Variants in BTBD7 observed in about 807,000 individuals in gnomAD.
BTBD7 encodes the protein BTB domain containing 7.
A neutral mutation model predicts 99.9 loss-of-function variants in BTBD7; 38 were observed. That is an observed-to-expected ratio of 0.38 (90% CI 0.29 to 0.50). The LOEUF is 0.50. Among genes scored for constraint, BTBD7 ranks in the 20% least tolerant of loss-of-function variants. The pLI, the probability that BTBD7 is intolerant of heterozygous loss-of-function variation, is 0.93. For synonymous variants in BTBD7, 520 were observed against 511.4 expected (o/e 1.02, Z -0.23); for missense variants, 1,170 against 1,394.6 (o/e 0.84, Z 2.57).
At chr14:93,256,193 T>G (rs1294217067) in intron 6 of BTBD7, 3 of 152,204 alleles carry the variant, frequency 2.0e-5, no homozygotes, top group African/African-American at 7.2e-5. Flanking sequence ...AAATTTCTTC[T>G]TCTGCTAATC....
chr14:93,317,338 C>A (rs1430656354), intron 1 of BTBD7, among the ~76,000 whole-genome samples: 3 of 151,448 alleles, frequency 2.0e-5, no homozygotes, highest in Non-Finnish European at 4.4e-5. Context: ...TAGTAGTCAA[C>A]CTTTGCACTG....
At chr14:93,329,070 C>T (rs1234538736) in intron 1 of BTBD7, among the ~76,000 whole-genome samples, 1 of 152,084 alleles carries the variant, frequency 6.6e-6, no homozygotes, top group Non-Finnish European at 1.5e-5. Flanking sequence ...CATCAAAGGA[C>T]GCTATCAACA....
chr14:93,326,802 T>TA (rs71462002), intron 1 of BTBD7, among the ~76,000 whole-genome samples: 77 of 146,172 alleles, frequency 5.3e-4, no homozygotes, highest in South Asian at 8.7e-4. Flanking sequence ...AAACTCTGTC[T>TA]AAAAAAAAAA....
intron 1 of BTBD7, among the ~76,000 whole-genome samples, chr14:93,311,745 A>ATTTT (rs5810628): frequency 7.0e-6 from 1 of 142,562 alleles, no homozygotes; most frequent in Non-Finnish European, 1.5e-5. Context: ...AATATTTTTA[A>ATTTT]TTTTTTTTTT....
chr14:93,304,497 G>A (rs7142382), intron 1 of BTBD7, among the ~76,000 whole-genome samples: 6,326 of 152,138 alleles, frequency 0.042, 444 homozygotes, highest in African/African-American at 0.14. Flanking sequence ...GATTACAGGC[G>A]TGCATCCCTA....
At chr14:93,267,911 T>C (rs1015215268) in intron 3 of BTBD7, among the ~76,000 whole-genome samples, 2 of 152,248 alleles carry the variant, frequency 1.3e-5, no homozygotes, top group Non-Finnish European at 2.9e-5. Context: ...CTGCTCTCTG[T>C]ACTGTTGCCA....
At position 93,294,585 on chromosome 14, in the gene BTBD7, G is replaced by A; in HGVS notation, c.435C>T (p.Asp145=). The A allele has an allele frequency of 6.2e-7, 1 of 1,613,946 alleles. No individual in the cohort carries two copies. The highest frequency in any genetic ancestry group is 8.5e-7 in the Non-Finnish European group (1 of 1,180,016). Residue 145 remains aspartate, a synonymous_variant, in exon 3 of 11, where the codon GAC becomes GAT. Transcript: ENST00000334746. ...GAAAACAAGTTTCTTGAAATATTAA[G>A]TCTACATCAGTACAATACTTGTACT... ...LYEYKYCTDV[D]LIFQETCFPV...
intron 3 of BTBD7, among the ~76,000 whole-genome samples, chr14:93,289,851 CTT>C (rs34820136): frequency 0.068 from 6,698 of 97,974 alleles, 216 homozygotes; most frequent in African/African-American, 0.19. Context: ...ACTCTCTGGG[CTT>C]TTTTTTTTTT....
intron 1 of BTBD7, among the ~76,000 whole-genome samples, chr14:93,328,079 G>A (rs1280904713): frequency 6.6e-6 from 1 of 152,042 alleles, no homozygotes; most frequent in Non-Finnish European, 1.5e-5. Context: ...GGAGACAAAA[G>A]ACTTTTACAC....
At chr14:93,325,486 A>G (rs559441089) in intron 1 of BTBD7, among the ~76,000 whole-genome samples, 3 of 152,322 alleles carry the variant, frequency 2.0e-5, no homozygotes, top group African/African-American at 7.2e-5. Flanking sequence ...ATGGAGAGGT[A>G]CAGTGGGAGA....
intron 3 of BTBD7, among the ~76,000 whole-genome samples, chr14:93,269,788 G>T (rs1168712349): frequency 1.3e-5 from 2 of 152,108 alleles, no homozygotes; most frequent in Non-Finnish European, 2.9e-5. Context: ...TCTGTCTAGA[G>T]TCCCTTTCCT....
chr14:93,332,809 G>A lies in BTBD7; in HGVS notation c.-107+11C>T, dbSNP rs575873770. 3 of 1,476,770 alleles carry A rather than the reference G, an allele frequency of 2.0e-6. No homozygotes were observed. The highest frequency in any genetic ancestry group is 2.7e-6 in the Non-Finnish European group (3 of 1,120,228). The allele number at this position is 1,476,770 out of a possible 1,614,324, so 91.5% of individuals were successfully genotyped here. ...GGCTCCACAGCCTCAGAGACACCAA[G>A]GGACACTCACCCCGGAGGCTCCTCC... On this transcript the variant is annotated intron_variant, in intron 1 of 10. Transcript: ENST00000334746.
intron 1 of BTBD7, among the ~76,000 whole-genome samples, chr14:93,296,888 A>T (rs1200163434): frequency 6.6e-6 from 1 of 152,260 alleles, no homozygotes; most frequent in East Asian, 1.9e-4. Flanking sequence ...TCTAACAATT[A>T]CAGATTAAAT....
rs549348697 is a variant in BTBD7, at chr14:93,292,142, G to A, written c.1162+1716C>T. 1.2e-3 allele frequency among the ~76,000 whole-genome samples: 185 copies of A among 152,222 alleles called. 2 individuals are homozygous for A. The highest frequency in any genetic ancestry group is 4.3e-3 in the African/African-American group (177 of 41,530). On this transcript the variant is annotated intron_variant, in intron 3 of 10. Transcript: ENST00000334746. The stretch of plus-strand genomic sequence containing the variant: ...GCGGAGGTTGCAGTGAGCCGAAATT[G>A]CGCCATTGCACTCCAGCCTGGGTGA...
At chr14:93,321,908 G>A (rs887127430) in intron 1 of BTBD7, among the ~76,000 whole-genome samples, 2 of 152,030 alleles carry the variant, frequency 1.3e-5, no homozygotes, top group Admixed American at 6.6e-5. Context: ...TAGAAGGAGC[G>A]AGAAGAATGC....
intron 8 of BTBD7, 107 bp from the exon 9 acceptor site, chr14:93,248,761 T>G: frequency 1.0e-6 from 1 of 1,001,472 alleles, no homozygotes; most frequent in Non-Finnish European, 1.4e-6. Context: ...ATCTTATAAG[T>G]TTTTAAGATA....
chr14:93,271,370 G>GCA (rs2052599053), intron 3 of BTBD7, among the ~76,000 whole-genome samples: 1 of 152,160 alleles, frequency 6.6e-6, no homozygotes, highest in Non-Finnish European at 1.5e-5. Context: ...AAAGAGGAAG[G>GCA]AGGAAACAGG....
At chr14:93,301,761 T>C (rs2053007618) in intron 1 of BTBD7, among the ~76,000 whole-genome samples, 1 of 152,170 alleles carries the variant, frequency 6.6e-6, no homozygotes, top group Non-Finnish European at 1.5e-5. Flanking sequence ...ACTTCACTCC[T>C]GTCAAATCTA....
intron 3 of BTBD7, among the ~76,000 whole-genome samples, chr14:93,290,987 GTTTT>G (rs34246296): frequency 1.3e-5 from 1 of 76,758 alleles, no homozygotes. Context: ...GCTAGGCCTA[GTTTT>G]TTTTTTTTTT....
Sources: gnomAD v4.1 joint callset for allele counts (sites outside exome capture counted in the v4.1 genomes callset) on GRCh38, gnomAD v4.1.1 for gene constraint, MANE v1.5 for transcripts, NCBI Gene and HGNC (gene_info 2026-07-23, HGNC 2026-07-21) for gene names.